GREB1L: variants seen among roughly 807,000 people sequenced by gnomAD.
The protein encoded by GREB1L is GREB1 like retinoic acid receptor coactivator, also known as GREB1-like protein.
GREB1L carries 17 observed loss-of-function variants against 200.8 expected under a neutral mutation model. The ratio of observed to expected loss-of-function variants is 0.08; its 90% confidence interval spans 0.06 to 0.13. The LOEUF (loss-of-function observed/expected upper bound fraction) is 0.13. Ranked by LOEUF, GREB1L falls within the 10% of genes least tolerant of loss-of-function variation. The pLI is 1.00. For missense variants in GREB1L, 1,657 were observed against 2,367.7 expected, an observed-to-expected ratio of 0.70 and a Z score of 6.23; for synonymous variants, 789 against 893.0, an observed-to-expected ratio of 0.88 and a Z score of 2.08.
intron 32 of GREB1L, among the ~76,000 whole-genome samples, chr18:21,521,387 A>C (rs1450743781): frequency 6.6e-6 from 1 of 150,798 alleles, no homozygotes; most frequent in Non-Finnish European, 1.5e-5. Context: ...AAAAAAAAAG[A>C]GAGACTGGCC....
intron 1 of GREB1L, among the ~76,000 whole-genome samples, chr18:21,256,010 T>C (rs1311202830): frequency 6.6e-6 from 1 of 152,228 alleles, no homozygotes; most frequent in African/African-American, 2.4e-5. Flanking sequence ...TAATTTTTTT[T>C]CTTAATTTTA....
intron 5 of GREB1L, among the ~76,000 whole-genome samples, chr18:21,400,848 T>C (rs894281959): frequency 4.6e-5 from 7 of 152,254 alleles, no homozygotes; most frequent in African/African-American, 1.7e-4. Flanking sequence ...CATTATATTA[T>C]GTGCTCTATT....
intron 1 of GREB1L, among the ~76,000 whole-genome samples, chr18:21,263,337 A>G (rs2144143366): frequency 6.6e-6 from 1 of 152,328 alleles, no homozygotes; most frequent in Admixed American, 6.5e-5. Context: ...TTCGTCCATT[A>G]CAAAAATAGC....
chr18:21,444,469 C>G (rs1247509748), intron 11 of GREB1L, 60 bp downstream of exon 11: 1 of 1,301,614 alleles, frequency 7.7e-7, no homozygotes, highest in African/African-American at 1.5e-5. Flanking sequence ...TTGTGATGTA[C>G]TTTTTCTTTC....
At chr18:21,343,430 T>C (rs1239851299) in intron 1 of GREB1L, among the ~76,000 whole-genome samples, 1 of 152,168 alleles carries the variant, frequency 6.6e-6, no homozygotes, top group Non-Finnish European at 1.5e-5. Context: ...ACAGAGCCCA[T>C]GTATTATTGT....
chr18:21,459,664 A>T (rs1214589975), intron 15 of GREB1L, among the ~76,000 whole-genome samples: 3 of 152,042 alleles, frequency 2.0e-5, no homozygotes, highest in Admixed American at 6.6e-5. Flanking sequence ...AACAAAAAAA[A>T]ATTTTAATAA....
In GREB1L at chr18:21,277,052, C is replaced by T. The variant is rs1285428204; in HGVS notation, c.-120+34659C>T. On this transcript the variant is annotated intron_variant, in intron 1 of 32. Transcript: ENST00000424526. ...CACGCCATTCTCCTGCCTCAGCCTC[C>T]CAAGTAGCTGGGACTGCAGGCACCC... 4.6e-5 allele frequency among the ~76,000 whole-genome samples: 7 copies of T among 151,714 alleles called. No homozygotes were observed. The East Asian group carries it at 1.4e-3, about 29-fold the overall frequency.
intron 23 of GREB1L, among the ~76,000 whole-genome samples, chr18:21,501,313 G>A (rs1598936284): frequency 6.6e-6 from 1 of 151,346 alleles, no homozygotes; most frequent in Non-Finnish European, 1.5e-5. Context: ...TTACACAGCT[G>A]TATACGTGTG....
chr18:21,369,944 A>G (rs1303084136), intron 2 of GREB1L, among the ~76,000 whole-genome samples: 2 of 144,542 alleles, frequency 1.4e-5, no homozygotes, highest in East Asian at 4.0e-4. Context: ...GCGAGACTCC[A>G]TCTCAAAAAA....
intron 1 of GREB1L, among the ~76,000 whole-genome samples, chr18:21,325,901 A>G (rs945782164): frequency 3.3e-5 from 5 of 150,936 alleles, no homozygotes; most frequent in Non-Finnish European, 5.9e-5. Flanking sequence ...TATAATCTCT[A>G]TGACAAATTC....
At chr18:21,251,608 A>T (rs1249489244) in intron 1 of GREB1L, among the ~76,000 whole-genome samples, 1 of 152,220 alleles carries the variant, frequency 6.6e-6, no homozygotes. Flanking sequence ...TGCCATAGAC[A>T]TATGATAGAT....
At chr18:21,454,945 C>T in intron 15 of GREB1L, 1 of 284,304 alleles carries the variant, frequency 3.5e-6, no homozygotes, top group South Asian at 3.8e-5. Context: ...TAGGTGGATT[C>T]TTGGCCATCT....
intron 12 of GREB1L, 82 bp downstream of exon 12, chr18:21,449,918 A>T (rs1408563802): frequency 2.8e-6 from 3 of 1,065,584 alleles, no homozygotes; most frequent in Non-Finnish European, 4.0e-6. Flanking sequence ...TATGTGTTTC[A>T]GGCATCCACA....
chr18:21,362,688 T>C (rs1356813557), intron 1 of GREB1L, among the ~76,000 whole-genome samples: 1 of 152,242 alleles, frequency 6.6e-6, no homozygotes, highest in Admixed American at 6.5e-5. Flanking sequence ...TGTTCTTAAT[T>C]GACCTCCAGG....
At chr18:21,413,290 G>A (rs576374909) in intron 7 of GREB1L, among the ~76,000 whole-genome samples, 24 of 152,206 alleles carry the variant, frequency 1.6e-4, no homozygotes, top group African/African-American at 5.5e-4. Flanking sequence ...CCTGATGATG[G>A]CTGTTTAAGA....
intron 1 of GREB1L, among the ~76,000 whole-genome samples, chr18:21,303,671 C>T (rs1301703386): frequency 6.6e-6 from 1 of 152,206 alleles, no homozygotes; most frequent in Non-Finnish European, 1.5e-5. Flanking sequence ...ATTGTCCTTA[C>T]AAAGGGATTT....
In GREB1L at chr18:21,507,768, G is replaced by C. The variant is rs190538276; in HGVS notation, c.4369-350G>C. Among the ~76,000 whole-genome samples the C allele has an allele frequency of 2.0e-3, 305 of 152,294 alleles. 1 individual carries two copies. Among genetic ancestry groups the C allele is most frequent in the African/African-American group, 7.2e-3 (300 of 41,570 alleles). On this transcript the variant is annotated intron_variant, in intron 25 of 32. Transcript: ENST00000424526. ...AAGTGTTTCCCTCCGATTAACAGGG[G>C]ACCTTTAGGAATGCATACAGAGCAG... is the stretch of plus-strand genomic sequence containing the variant.
intron 1 of GREB1L, among the ~76,000 whole-genome samples, chr18:21,325,299 G>C (rs2039005753): frequency 6.6e-6 from 1 of 152,132 alleles, no homozygotes; most frequent in Admixed American, 6.6e-5. Context: ...AGTTGATCCA[G>C]ATTAGCAGCA....
chr18:21,506,211 T>C (rs1316864461), intron 25 of GREB1L, among the ~76,000 whole-genome samples: 1 of 152,028 alleles, frequency 6.6e-6, no homozygotes, highest in African/African-American at 2.4e-5. Flanking sequence ...CTGGCCAACA[T>C]GGTGAAACCC....
Sources: allele counts gnomAD v4.1 joint callset (sites outside exome capture counted in the v4.1 genomes callset), GRCh38; gene constraint gnomAD v4.1.1; transcripts MANE v1.5; gene names NCBI Gene and HGNC (gene_info 2026-07-23, HGNC 2026-07-21).